The following CDH3 variants were observed in gnomAD, a reference collection of about 807,000 sequenced individuals.
CDH3 encodes the protein cadherin 3.
CDH3 carries 54 observed loss-of-function variants against 82.0 expected under a neutral mutation model. That is an observed-to-expected ratio of 0.66 (90% CI 0.53 to 0.83). CDH3 has a LOEUF of 0.83. Ranked by LOEUF, CDH3 falls within the 40% of genes least tolerant of loss-of-function variation. The pLI, the probability that CDH3 is intolerant of heterozygous loss-of-function variation, is 0.00. For missense variants in CDH3, 1,054 were observed against 1,084.6 expected (o/e 0.97, Z 0.40); for synonymous variants, 446 against 437.9 (o/e 1.02, Z -0.23).
rs184303335 is a variant in CDH3 at position 68,647,344 on chromosome 16, A to T, written c.160+1594A>T. Among the ~76,000 whole-genome samples the T allele has an allele frequency of 1.1e-4, 16 of 143,276 alleles. No homozygotes were observed. In the Middle Eastern group the frequency reaches 0.019, roughly 168 times the overall value. 94.0% of individuals were successfully genotyped at this position (143,276 alleles called of 152,430 possible). A position where few individuals can be genotyped will look rare whatever the true frequency, so the allele number is the denominator to read the frequency against. On this transcript the variant is annotated intron_variant, in intron 2 of 15. Transcript: ENST00000264012. ...GTGTTGTCTGTACCTTATCTTTCCTACTGAAGCAAGAAATATCAGATTAGC... is the reference window on the plus strand; with the variant it reads ...GTGTTGTCTGTACCTTATCTTTCCTTCTGAAGCAAGAAATATCAGATTAGC...
intron 2 of CDH3, among the ~76,000 whole-genome samples, chr16:68,668,934 T>C (rs1271251542): frequency 6.6e-6 from 1 of 152,184 alleles, no homozygotes; most frequent in Non-Finnish European, 1.5e-5. Context: ...CATTTAATCT[T>C]CCTAATAACC....
At chr16:68,651,059 G>T in intron 2 of CDH3, 1 of 430,548 alleles carries the variant, frequency 2.3e-6, no homozygotes, top group Non-Finnish European at 4.2e-6. Context: ...TAGTAAGGGG[G>T]ATATTCAGGG....
intron 2 of CDH3, among the ~76,000 whole-genome samples, chr16:68,655,152 C>T (rs756789579): frequency 6.6e-6 from 1 of 152,156 alleles, no homozygotes; most frequent in Non-Finnish European, 1.5e-5. Context: ...GCTAGGATTA[C>T]AGGTGTGAGC....
rs780250763 is a variant in CDH3 at position 68,698,082 on chromosome 16, A to G, written c.2281-109A>G. The G allele has an allele frequency of 6.0e-6, 6 of 999,738 alleles. No individual in the cohort carries two copies. The Admixed American group carries it at 9.4e-5, about 16-fold the overall frequency. 61.9% of individuals were successfully genotyped at this position (999,738 alleles called of 1,614,324 possible). A position where few individuals can be genotyped will look rare whatever the true frequency, so the allele number is the denominator to read the frequency against. ...AACGCATTCTTTCATTTCTACCTCC[A>G]AAACCTTTAGGGGAGGGGAGAGAGG... On this transcript the variant is annotated intron_variant, in intron 15 of 15. Transcript: ENST00000264012.
intron 2 of CDH3, among the ~76,000 whole-genome samples, chr16:68,655,483 G>C (rs1051146049): frequency 1.2e-4 from 19 of 152,168 alleles, no homozygotes; most frequent in Admixed American, 9.2e-4. Flanking sequence ...AAAAATCCTG[G>C]CCTCAAAGGG....
At chr16:68,727,866 G>A (rs954668976), downstream of CDH3, among the ~76,000 whole-genome samples, 4 of 151,908 alleles carry the variant, frequency 2.6e-5, no homozygotes, top group Non-Finnish European at 5.9e-5. Flanking sequence ...CCGAGATCAC[G>A]CCACTGCACT....
chr16:68,662,750 A>G (rs1181358603), intron 2 of CDH3, among the ~76,000 whole-genome samples: 1 of 149,752 alleles, frequency 6.7e-6, no homozygotes, highest in Non-Finnish European at 1.5e-5. Context: ...GTTTCACCGC[A>G]TTAGCCAGGA....
chr16:68,681,659 G>A (rs1411625239), intron 8 of CDH3, among the ~76,000 whole-genome samples: 2 of 152,100 alleles, frequency 1.3e-5, no homozygotes, highest in African/African-American at 2.4e-5. Flanking sequence ...CCAATATGGC[G>A]AAACCCCGTC....
intron 2 of CDH3, chr16:68,651,551 C>T (rs1046473352): frequency 6.0e-6 from 3 of 498,808 alleles, no homozygotes; most frequent in African/African-American, 3.9e-5. Flanking sequence ...CGCTCTGCAG[C>T]CCCTTAGTCT....
chr16:68,717,852 C>G (rs1281435287), intron 1 of CDH3, among the ~76,000 whole-genome samples: 1 of 152,060 alleles, frequency 6.6e-6, no homozygotes, highest in Admixed American at 6.6e-5. Flanking sequence ...GGTTATTGTG[C>G]CTGCTTCCAC....
intron 14 of CDH3, 150 bp from the exon 15 acceptor site, chr16:68,695,627 G>T (rs890276585): frequency 9.7e-7 from 1 of 1,027,890 alleles, no homozygotes; most frequent in East Asian, 2.5e-5. Context: ...GGAAACGAGG[G>T]TTTTCCAAAA....
chr16:68,646,833 A>G (rs1960087911), intron 2 of CDH3, among the ~76,000 whole-genome samples: 1 of 152,118 alleles, frequency 6.6e-6, no homozygotes, highest in Admixed American at 6.5e-5. Flanking sequence ...GCATTCTTCT[A>G]AAGTCTCCAT....
chr16:68,709,223 G>A (rs1416216447), intron 1 of CDH3, among the ~76,000 whole-genome samples: 2 of 152,092 alleles, frequency 1.3e-5, no homozygotes, highest in Non-Finnish European at 2.9e-5. Flanking sequence ...CTACAGGTGT[G>A]TACCACCACC....
intron 9 of CDH3, among the ~76,000 whole-genome samples, chr16:68,683,682 AAAATCCAGCCTGGACAACATGGAG>A: frequency 3.6e-5 from 1 of 27,404 alleles, no homozygotes; most frequent in Non-Finnish European, 7.0e-5. Context: ...AAAAAAAAAG[AAAATCCAGCCTGGACAACATGGAG>A]AAAAAAAAAA....
chr16:68,710,460 G>A (rs1962012528), intron 1 of CDH3, among the ~76,000 whole-genome samples: 1 of 152,296 alleles, frequency 6.6e-6, no homozygotes, highest in African/African-American at 2.4e-5. Flanking sequence ...GGTGCTACTG[G>A]CATCTAATGA....
rs1962163939 is a variant in CDH3, at chr16:68,721,460, C to T, written c.100-965C>T. On this transcript the variant is annotated intron_variant, in intron 1 of 2. Coordinates refer to the CDH3 transcript ENST00000569080. ...TATTGGCCAGGCTGGTCTCGAACTC[C>T]TAACCTCAGATGATCAACCCGCCTT... Among the ~76,000 whole-genome samples the T allele has an allele frequency of 4.6e-5, 7 of 151,874 alleles. No homozygotes were observed. In the South Asian group the frequency reaches 1.5e-3, roughly 32 times the overall value.
In CDH3 at chr16:68,678,663, A is replaced by C. The variant is rs1169285253; in HGVS notation, c.546+7A>C. 1 of 1,614,224 alleles carries C rather than the reference A, an allele frequency of 6.2e-7. No homozygotes were observed. Among genetic ancestry groups the C allele is most frequent in the African/African-American group, 1.3e-5 (1 of 75,070 alleles). Reference sequence around the variant, plus strand: ...GGAGATTGCCAAGTATGAGGCAAGTAGCCTTTAGTGTCTACTGTAAATGTC... The same window carrying C: ...GGAGATTGCCAAGTATGAGGCAAGTCGCCTTTAGTGTCTACTGTAAATGTC... On this transcript the variant is annotated splice_region_variant and intron_variant, in intron 5 of 15. Coordinates refer to ENST00000264012, the MANE Select transcript of CDH3 (RefSeq NM_001793.6).
At chr16:68,671,866 C>T (rs180791282) in intron 2 of CDH3, among the ~76,000 whole-genome samples, 1 of 152,204 alleles carries the variant, frequency 6.6e-6, no homozygotes, top group African/African-American at 2.4e-5. Flanking sequence ...CCTGTCTTCA[C>T]ATTTAATGGC....
intron 1 of CDH3, among the ~76,000 whole-genome samples, chr16:68,718,968 G>T (rs565077796): frequency 6.6e-6 from 1 of 152,144 alleles, no homozygotes; most frequent in East Asian, 1.9e-4. Context: ...GCCGGGCGCG[G>T]TGGCTCCCTC....
Sources: gnomAD v4.1 joint callset for allele counts (sites outside exome capture counted in the v4.1 genomes callset) on GRCh38, gnomAD v4.1.1 for gene constraint, MANE v1.5 for transcripts, NCBI Gene and HGNC (gene_info 2026-07-23, HGNC 2026-07-21) for gene names.